Variants in ADGRV1 observed in about 807,000 individuals in gnomAD.
ADGRV1 encodes adhesion G protein-coupled receptor V1.
A neutral mutation model predicts 596.2 loss-of-function variants in ADGRV1; 359 were observed. The observed-to-expected ratio is 0.60, with a 90% CI of 0.55 to 0.66. The LOEUF (loss-of-function observed/expected upper bound fraction) is 0.66. Ranked by LOEUF, ADGRV1 falls within the 30% of genes least tolerant of loss-of-function variation. The pLI is 0.00. For missense variants in ADGRV1, 7,274 were observed against 7,575.6 expected, an observed-to-expected ratio of 0.96 and a Z score of 1.48; for synonymous variants, 2,681 against 2,679.2, an observed-to-expected ratio of 1.00 and a Z score of -0.02.
At chr5:90,964,514 A>G (rs1161479794) in intron 83 of ADGRV1, among the ~76,000 whole-genome samples, 1 of 152,188 alleles carries the variant, frequency 6.6e-6, no homozygotes, top group African/African-American at 2.4e-5. Context: ...CATCATTGCA[A>G]TATTTGACAC....
rs551226501 is a variant in ADGRV1 at position 90,718,932 on chromosome 5, A to G, written c.9448-1116A>G. ...AACCGACATAACTGTTTTTATTCCA[A>G]AAAGTTTTTATTTTGAGGTATAAGT... On this transcript the variant is annotated intron_variant, in intron 43 of 89. Coordinates refer to ENST00000405460, the MANE Select transcript of ADGRV1 (RefSeq NM_032119.4). Among the ~76,000 whole-genome samples the G allele has an allele frequency of 1.7e-4, 26 of 152,306 alleles. No homozygotes were observed. The South Asian group carries it at 5.2e-3, about 30-fold the overall frequency.
At chr5:90,983,568 T>C (rs1193415502) in intron 84 of ADGRV1, among the ~76,000 whole-genome samples, 2 of 152,176 alleles carry the variant, frequency 1.3e-5, no homozygotes, top group Non-Finnish European at 2.9e-5. Flanking sequence ...TTGTATGAAT[T>C]TTCATTCTTT....
At chr5:90,605,535 T>C (rs1359253283) in intron 1 of ADGRV1, among the ~76,000 whole-genome samples, 1 of 152,220 alleles carries the variant, frequency 6.6e-6, no homozygotes, top group Non-Finnish European at 1.5e-5. Flanking sequence ...TGTACTGCAT[T>C]ATTGTTCATG....
At chr5:91,108,445 T>A (rs1053696944) in intron 87 of ADGRV1, among the ~76,000 whole-genome samples, 13 of 127,518 alleles carry the variant, frequency 1.0e-4, no homozygotes, top group African/African-American at 3.0e-4. Context: ...TAGATTATTA[T>A]GATGTCATAG....
At chr5:90,851,134 T>TGTGTGTGTGTATGAGAGAGA (rs757909771) in intron 79 of ADGRV1, among the ~76,000 whole-genome samples, 1 of 81,446 alleles carries the variant, frequency 1.2e-5, no homozygotes, top group Admixed American at 1.9e-4. Flanking sequence ...TGTGTGTGTG[T>TGTGTGTGTGTATGAGAGAGA]GAGAGAGAGA....
At chr5:90,612,704 G>A (rs1673381) in intron 1 of ADGRV1, among the ~76,000 whole-genome samples, 84,712 of 151,898 alleles carry the variant, frequency 0.56, 24,859 homozygotes, top group African/African-American at 0.75. Context: ...AAGTCATTAC[G>A]GTTTTTCTTC....
At chr5:90,623,917 A>G (rs1032626385) in intron 5 of ADGRV1, among the ~76,000 whole-genome samples, 13 of 152,224 alleles carry the variant, frequency 8.5e-5, no homozygotes, top group African/African-American at 1.2e-4. Context: ...TTGCTGTTCT[A>G]TGAGATACAC....
At chr5:90,848,032 C>T (rs562008870) in intron 78 of ADGRV1, among the ~76,000 whole-genome samples, 62 of 152,172 alleles carry the variant, frequency 4.1e-4, no homozygotes, top group African/African-American at 1.5e-3. Flanking sequence ...AGTCCCCCGT[C>T]ATTTTGGATT....
intron 52 of ADGRV1, among the ~76,000 whole-genome samples, chr5:90,747,527 C>A (rs1754759885): frequency 6.6e-6 from 1 of 152,112 alleles, no homozygotes; most frequent in Non-Finnish European, 1.5e-5. Flanking sequence ...CCCCCTCCCA[C>A]CCCCATCCAT....
At chr5:90,927,392 C>T (rs899964248) in intron 83 of ADGRV1, among the ~76,000 whole-genome samples, 1 of 152,162 alleles carries the variant, frequency 6.6e-6, no homozygotes. Flanking sequence ...TATGTAATGG[C>T]ATTCTTTGTC....
chr5:91,085,129 A>G (rs1789747728), intron 86 of ADGRV1, among the ~76,000 whole-genome samples: 3 of 152,204 alleles, frequency 2.0e-5, no homozygotes, highest in Non-Finnish European at 1.5e-5. Flanking sequence ...ACCTAATGTA[A>G]ATGATGAGTT....
rs1199627040 is a variant in ADGRV1 at position 90,621,828 on chromosome 5, TTGA to T, written c.454-758_454-756del. On this transcript the variant is annotated intron_variant, in intron 4 of 89. Transcript: ENST00000405460. ...GATTATGTTGGTAGTGAAGATGACATTGATGATGATGATAATAATAGCAACATT... is the reference window on the plus strand; with the variant it reads ...GATTATGTTGGTAGTGAAGATGACATTGATGATGATAATAATAGCAACATT... Among the ~76,000 whole-genome samples the T allele has an allele frequency of 5.3e-5, 8 of 152,280 alleles. No homozygotes were observed. The South Asian group carries it at 1.7e-3, about 32-fold the overall frequency.
rs573716673 is a variant in ADGRV1, at chr5:90,570,765, G to GT, written c.22+11860dup. Among the ~76,000 whole-genome samples the GT allele has an allele frequency of 7.9e-3, 1,102 of 139,172 alleles. 12 individuals are homozygous for GT. The highest frequency in any genetic ancestry group is 0.024 in the African/African-American group (942 of 39,050). The allele number at this position is 139,172 out of a possible 152,430, so 91.3% of individuals were successfully genotyped here. On this transcript the variant is annotated intron_variant, in intron 1 of 89. Coordinates refer to ENST00000405460, the MANE Select transcript of ADGRV1 (RefSeq NM_032119.4). Reference sequence around the variant, plus strand: ...TTTTACTTCTCAACTCCAGATTTCTGTTTTTTTTTTTTAAACTATCTTTTT... The same window carrying GT: ...TTTTACTTCTCAACTCCAGATTTCTGTTTTTTTTTTTTTAAACTATCTTTTT...
intron 1 of ADGRV1, among the ~76,000 whole-genome samples, chr5:90,604,967 C>T (rs192659153): frequency 1.3e-3 from 198 of 152,292 alleles, no homozygotes; most frequent in African/African-American, 4.6e-3. Flanking sequence ...TAAAGCTTCT[C>T]TACACTGTTC....
chr5:90,579,923 G>A (rs1463596292), intron 1 of ADGRV1, among the ~76,000 whole-genome samples: 1 of 152,062 alleles, frequency 6.6e-6, no homozygotes, highest in East Asian at 1.9e-4. Context: ...TCAGAGACTA[G>A]GATTGCAACC....
chr5:90,651,383 CTCTT>C (rs575265244), intron 17 of ADGRV1, among the ~76,000 whole-genome samples: 6 of 124,626 alleles, frequency 4.8e-5, no homozygotes, highest in South Asian at 2.7e-4. Flanking sequence ...GTAGGCATCT[CTCTT>C]TCTCTCTCTC....
At chr5:90,680,128 T>C (rs939831918) in intron 26 of ADGRV1, among the ~76,000 whole-genome samples, 2 of 152,146 alleles carry the variant, frequency 1.3e-5, no homozygotes, top group African/African-American at 4.8e-5. Context: ...GGCGGGCTGA[T>C]CACCTGAGCT....
chr5:90,888,751 A>C (rs1354849770), intron 83 of ADGRV1, among the ~76,000 whole-genome samples: 1 of 152,112 alleles, frequency 6.6e-6, no homozygotes, highest in African/African-American at 2.4e-5. Context: ...TCAGTGGTAC[A>C]AATATTGAGT....
intron 58 of ADGRV1, among the ~76,000 whole-genome samples, chr5:90,762,393 A>G (rs1196903099): frequency 6.6e-6 from 1 of 152,202 alleles, no homozygotes; most frequent in African/African-American, 2.4e-5. Flanking sequence ...AGCTCATTTC[A>G]GTTTGTTTTA....
Sources: allele counts gnomAD v4.1 joint callset (sites outside exome capture counted in the v4.1 genomes callset), GRCh38; gene constraint gnomAD v4.1.1; transcripts MANE v1.5; gene names NCBI Gene and HGNC (gene_info 2026-07-23, HGNC 2026-07-21).